Variants in MFHAS1 observed in about 807,000 individuals in gnomAD.
MFHAS1 encodes malignant fibrous histiocytoma-amplified sequence 1.
MFHAS1 carries 50 observed loss-of-function variants against 70.4 expected under a neutral mutation model. That is an observed-to-expected ratio of 0.71 (90% CI 0.57 to 0.90). MFHAS1 has a LOEUF of 0.90. Ranked by LOEUF, MFHAS1 falls within the 40% of genes least tolerant of loss-of-function variation. The pLI is 0.00. For missense variants in MFHAS1, 1,795 were observed against 1,347.6 expected, an observed-to-expected ratio of 1.33 and a Z score of -5.20; for synonymous variants, 952 against 620.0, an observed-to-expected ratio of 1.54 and a Z score of -7.96.
intron 1 of MFHAS1, among the ~76,000 whole-genome samples, chr8:8,799,691 G>A (rs932208477): frequency 5.3e-5 from 8 of 152,320 alleles, no homozygotes. Flanking sequence ...AGGAGGCAGA[G>A]GTTTCAGTGA....
chr8:8,798,388 T>C (rs1406758189), intron 1 of MFHAS1, among the ~76,000 whole-genome samples: 2 of 152,202 alleles, frequency 1.3e-5, no homozygotes, highest in Admixed American at 6.5e-5. Flanking sequence ...TGCAGTGGCC[T>C]AATCACAGCT....
At chr8:8,863,705 T>C (rs1808750458) in intron 1 of MFHAS1, among the ~76,000 whole-genome samples, 1 of 152,126 alleles carries the variant, frequency 6.6e-6, no homozygotes, top group African/African-American at 2.4e-5. Flanking sequence ...CCATGGCCTG[T>C]TTTCACTAAG....
At chr8:8,814,073 G>A (rs534741954) in intron 1 of MFHAS1, among the ~76,000 whole-genome samples, 1 of 152,052 alleles carries the variant, frequency 6.6e-6, no homozygotes, top group Admixed American at 6.5e-5. Flanking sequence ...AAGTAGCTGG[G>A]ATTACAGGTG....
chr8:8,795,041 G>T (rs577325793), intron 2 of MFHAS1, among the ~76,000 whole-genome samples: 1 of 152,258 alleles, frequency 6.6e-6, no homozygotes, highest in South Asian at 2.1e-4. Flanking sequence ...TACCTCTATC[G>T]CACCTATTCG....
chr8:8,806,581 C>T (rs1200650982), intron 1 of MFHAS1, among the ~76,000 whole-genome samples: 1 of 152,170 alleles, frequency 6.6e-6, no homozygotes, highest in East Asian at 1.9e-4. Flanking sequence ...CCCAGATTAA[C>T]CCTGACACTA....
chr8:8,843,709 G>C (rs1585047353), intron 1 of MFHAS1, among the ~76,000 whole-genome samples: 1 of 152,140 alleles, frequency 6.6e-6, no homozygotes. Context: ...TCAGAAGAGA[G>C]GGCAGAGGCT....
intron 1 of MFHAS1, among the ~76,000 whole-genome samples, chr8:8,844,367 T>C (rs1225352912): frequency 1.3e-5 from 2 of 152,224 alleles, no homozygotes; most frequent in African/African-American, 4.8e-5. Flanking sequence ...CATTTGCTCA[T>C]TTTAGGAAAT....
At chr8:8,789,674 C>A (rs1585015483) in intron 2 of MFHAS1, among the ~76,000 whole-genome samples, 1 of 152,162 alleles carries the variant, frequency 6.6e-6, no homozygotes, top group African/African-American at 2.4e-5. Context: ...TCTGGAGGGA[C>A]TGCCCCTCCT....
intron 1 of MFHAS1, among the ~76,000 whole-genome samples, chr8:8,874,611 C>T (rs911961525): frequency 1.7e-4 from 26 of 152,052 alleles, no homozygotes; most frequent in Non-Finnish European, 4.4e-5. Context: ...AATCTACCAT[C>T]CACATATGGA....
chr8:8,798,738 A>G (rs916023501), intron 1 of MFHAS1, among the ~76,000 whole-genome samples: 12 of 152,124 alleles, frequency 7.9e-5, no homozygotes, highest in African/African-American at 2.9e-4. Flanking sequence ...AACCACTTCT[A>G]CTGCTGACTT....
intron 1 of MFHAS1, among the ~76,000 whole-genome samples, chr8:8,867,948 G>A (rs920378433): frequency 3.9e-5 from 6 of 152,128 alleles, no homozygotes; most frequent in Non-Finnish European, 8.8e-5. Flanking sequence ...TTCTCAACAT[G>A]TGTTTCCTAC....
chr8:8,806,757 T>C (rs1806304764), intron 1 of MFHAS1, among the ~76,000 whole-genome samples: 1 of 152,106 alleles, frequency 6.6e-6, no homozygotes, highest in Admixed American at 6.6e-5. Context: ...GGTCAGGAGT[T>C]CGAGGCCAGC....
chr8:8,818,693 C>T (rs151170024), intron 1 of MFHAS1, among the ~76,000 whole-genome samples: 573 of 152,316 alleles, frequency 3.8e-3, no homozygotes, highest in Non-Finnish European at 6.1e-3. Context: ...TCCTTCCTCA[C>T]ATCCTTGTTA....
intron 1 of MFHAS1, among the ~76,000 whole-genome samples, chr8:8,829,813 A>C (rs981471467): frequency 3.9e-5 from 6 of 152,200 alleles, no homozygotes; most frequent in African/African-American, 9.6e-5. Flanking sequence ...CACATTTCAG[A>C]TAAATACAAA....
In MFHAS1 at chr8:8,892,794, G is replaced by A. The variant is rs1452242973; in HGVS notation, c.265C>T (p.Leu89=). ...PEGLGSALGS[L]RVLVLRRNRF... is the part of the protein sequence containing the mutation. ...TTCCTGCGCAGGACCAGGACGCGCAGGCTGCCCAGCGCCGACCCCAGCCCC... is the reference window on the plus strand; with the variant it reads ...TTCCTGCGCAGGACCAGGACGCGCAAGCTGCCCAGCGCCGACCCCAGCCCC... Residue 89 remains leucine (L), a synonymous_variant, in exon 1 of 3, where the codon CTG becomes TTG. Coordinates refer to ENST00000276282, the MANE Select transcript of MFHAS1 (RefSeq NM_004225.3). This position sits in a 1 kb window ranked among gnomAD's most constrained non-coding sequence, Gnocchi z 4.7. 6 of 1,586,254 alleles carry A rather than the reference G, an allele frequency of 3.8e-6. No individual in the cohort carries two copies. Among genetic ancestry groups the A allele is most frequent in the East Asian group, 4.6e-5 (2 of 43,506 alleles).
At chr8:8,826,103 T>G (rs1400361657) in intron 1 of MFHAS1, among the ~76,000 whole-genome samples, 2 of 152,212 alleles carry the variant, frequency 1.3e-5, no homozygotes, top group African/African-American at 4.8e-5. Flanking sequence ...ATTCATTGTT[T>G]TTTTAAAAAA....
intron 1 of MFHAS1, among the ~76,000 whole-genome samples, chr8:8,848,460 GA>G (rs1353675841): frequency 2.6e-5 from 4 of 151,168 alleles, no homozygotes; most frequent in Non-Finnish European, 5.9e-5. Flanking sequence ...GCAGGCAAAG[GA>G]ATAAAAGTGA....
chr8:8,813,616 C>T (rs555805894), intron 1 of MFHAS1, among the ~76,000 whole-genome samples: 18 of 152,092 alleles, frequency 1.2e-4, no homozygotes, highest in Non-Finnish European at 1.9e-4. Flanking sequence ...AAAACTCATA[C>T]AATAAGGATA....
At chr8:8,863,356 C>A (rs1188633548) in intron 1 of MFHAS1, among the ~76,000 whole-genome samples, 1 of 152,216 alleles carries the variant, frequency 6.6e-6, no homozygotes, top group Non-Finnish European at 1.5e-5. Context: ...GATGCTGTTA[C>A]TCCCTCCATT....
Sources: allele counts gnomAD v4.1 joint callset (sites outside exome capture counted in the v4.1 genomes callset), GRCh38; gene constraint gnomAD v4.1.1; non-coding constraint Gnocchi (gnomAD v3.1); transcripts MANE v1.5; gene names NCBI Gene and HGNC (gene_info 2026-07-23, HGNC 2026-07-21).